The following NEBL variants were observed in gnomAD, a reference collection of about 807,000 sequenced individuals.
NEBL encodes the protein LIM and SH3 protein 2.
A neutral mutation model predicts 140.2 loss-of-function variants in NEBL; 122 were observed. The ratio of observed to expected loss-of-function variants is 0.87; its 90% CI spans 0.75 to 1.01. The LOEUF is 1.01. Ranked by LOEUF, NEBL falls within the 50% of genes least tolerant of loss-of-function variation. The probability of loss-of-function intolerance (pLI) is 0.00; values close to 1 mark genes in which losing one functional copy is unlikely to be tolerated. For missense variants in NEBL, 1,365 were observed against 1,231.3 expected (o/e 1.11, Z -1.62); for synonymous variants, 436 against 398.9 (o/e 1.09, Z -1.11).
chr10:21,249,999 G>A (rs1842566873), intron 2 of NEBL, among the ~76,000 whole-genome samples: 1 of 152,154 alleles, frequency 6.6e-6, no homozygotes, highest in South Asian at 2.1e-4. Context: ...TAGAGGCAGA[G>A]GTTGCAATGA....
At chr10:20,797,358 T>C (rs994907085) in intron 26 of NEBL, among the ~76,000 whole-genome samples, 1 of 152,206 alleles carries the variant, frequency 6.6e-6, no homozygotes, top group African/African-American at 2.4e-5. Context: ...TAATGTATTC[T>C]AATACTGACC....
chr10:20,852,095 G>A (rs2131069400), intron 10 of NEBL, among the ~76,000 whole-genome samples: 1 of 151,448 alleles, frequency 6.6e-6, no homozygotes, highest in African/African-American at 2.4e-5. Flanking sequence ...ATTTCATATT[G>A]GAAAAAAATA....
intron 2 of NEBL, among the ~76,000 whole-genome samples, chr10:21,125,180 C>A (rs1838762832): frequency 6.6e-6 from 1 of 151,992 alleles, no homozygotes; most frequent in Non-Finnish European, 1.5e-5. Context: ...TCCAGAGTCT[C>A]TAGAAGCTCA....
At chr10:21,245,245 A>G (rs555155520) in intron 3 of NEBL, among the ~76,000 whole-genome samples, 1 of 152,354 alleles carries the variant, frequency 6.6e-6, no homozygotes, top group Non-Finnish European at 1.5e-5. Context: ...AGAATACTCA[A>G]CCTAAGAGAG....
intron 2 of NEBL, chr10:21,146,557 C>G: frequency 7.0e-7 from 1 of 1,431,010 alleles, no homozygotes; most frequent in Non-Finnish European, 9.6e-7. Context: ...TGTGTTTGGG[C>G]ATTGTTACCT....
At position 20,912,291 on chromosome 10, in the gene NEBL, A is replaced by G. The variant is rs1848361241; in HGVS notation, c.357+49381T>C. On this transcript the variant is annotated intron_variant, in intron 4 of 6. Coordinates refer to the NEBL transcript ENST00000417816. ...AGTCAATGGCATTGCTATGTTTGAA[A>G]TAAAAATGCATTAGCTGGGTGTGGT... Among the ~76,000 whole-genome samples the G allele has an allele frequency of 2.0e-5, 3 of 152,218 alleles. No homozygotes were observed. The South Asian group carries it at 6.2e-4, about 31-fold the overall frequency.
intron 3 of NEBL, among the ~76,000 whole-genome samples, chr10:20,987,270 T>A (rs1389320814): frequency 2.0e-5 from 3 of 152,086 alleles, no homozygotes; most frequent in Non-Finnish European, 4.4e-5. Context: ...GGACAATGTT[T>A]CCCTTGAAGC....
At chr10:21,021,591 CTG>C (rs774444283) in intron 2 of NEBL, among the ~76,000 whole-genome samples, 21 of 152,156 alleles carry the variant, frequency 1.4e-4, no homozygotes, top group Non-Finnish European at 2.2e-4. Flanking sequence ...TTTTTATAAA[CTG>C]TGTTTATTTT....
At chr10:21,101,267 T>C (rs1837464796) in intron 2 of NEBL, among the ~76,000 whole-genome samples, 1 of 152,248 alleles carries the variant, frequency 6.6e-6, no homozygotes, top group Admixed American at 6.5e-5. Context: ...TCCTTCCCTG[T>C]GGCTAAGGCT....
At chr10:20,887,520 G>C (rs1846638716) in intron 4 of NEBL, among the ~76,000 whole-genome samples, 1 of 143,158 alleles carries the variant, frequency 7.0e-6, no homozygotes, top group Non-Finnish European at 1.5e-5. Context: ...CCAGGCTCAA[G>C]CAATCCTCCC....
intron 2 of NEBL, among the ~76,000 whole-genome samples, chr10:21,126,974 CAAAAAAAAAAAA>C (rs55883304): frequency 1.6e-5 from 1 of 64,184 alleles, no homozygotes; most frequent in Non-Finnish European, 3.4e-5. Flanking sequence ...GACCCTGTAT[CAAAAAAAAAAAA>C]AAAAAAAAAA....
At chr10:20,911,601 T>A (rs1246914300) in intron 4 of NEBL, among the ~76,000 whole-genome samples, 1 of 152,184 alleles carries the variant, frequency 6.6e-6, no homozygotes, top group Non-Finnish European at 1.5e-5. Flanking sequence ...ATAGTCTAGT[T>A]TTAAAACTAG....
At chr10:21,266,638 C>T (rs1225279413) in intron 1 of NEBL, among the ~76,000 whole-genome samples, 7 of 152,206 alleles carry the variant, frequency 4.6e-5, no homozygotes, top group Admixed American at 1.3e-4. Flanking sequence ...TGGATCCACA[C>T]GGTGCTCCCT....
In NEBL at chr10:21,034,056, A is replaced by G. The variant is rs962251388; in HGVS notation, c.165-13855T>C. Among the ~76,000 whole-genome samples the G allele has an allele frequency of 4.0e-5, 6 of 151,112 alleles. No homozygotes were observed. The South Asian group carries it at 1.1e-3, about 26-fold the overall frequency. ...ATGGCACACACCTGTAGTCTCAGCT[A>G]CTAGGGGGGCTGAGGTGGAAGGATT... is the stretch of plus-strand genomic sequence containing the variant. On this transcript the variant is annotated intron_variant, in intron 2 of 6. Transcript: ENST00000417816.
chr10:21,265,437 G>A (rs571726439), intron 1 of NEBL, among the ~76,000 whole-genome samples: 12 of 152,246 alleles, frequency 7.9e-5, no homozygotes, highest in Admixed American at 4.6e-4. Flanking sequence ...ATCTCACTGC[G>A]TATGGTGAGC....
At chr10:21,149,270 C>T (rs767044983) in intron 2 of NEBL, among the ~76,000 whole-genome samples, 5 of 152,052 alleles carry the variant, frequency 3.3e-5, no homozygotes, top group African/African-American at 1.2e-4. Flanking sequence ...ACCTCGTCGT[C>T]GGTATCCTTT....
In NEBL at chr10:21,067,979, G is replaced by GA. The variant is rs35412364; in HGVS notation, c.165-47779dup. On this transcript the variant is annotated intron_variant, in intron 2 of 6. Coordinates refer to the NEBL transcript ENST00000417816. The stretch of plus-strand genomic sequence containing the variant: ...GGTGACAACAAGATGCCGTCTCAAA[G>GA]AAAAAAAAATGTAATATACTTCCCT... Among the ~76,000 whole-genome samples, 748 of 150,780 alleles carry GA rather than the reference G, an allele frequency of 5.0e-3. 7 individuals carry two copies. Among genetic ancestry groups the GA allele is most frequent in the African/African-American group, 0.017 (712 of 40,928 alleles).
chr10:20,889,576 C>T (rs1381164171), intron 3 of NEBL, among the ~76,000 whole-genome samples: 2 of 151,888 alleles, frequency 1.3e-5, no homozygotes, highest in Non-Finnish European at 2.9e-5. Context: ...TAAAAAGATG[C>T]CTTTTCAAGA....
intron 3 of NEBL, among the ~76,000 whole-genome samples, chr10:21,242,397 G>T (rs184941716): frequency 1.3e-5 from 2 of 152,188 alleles, no homozygotes; most frequent in African/African-American, 4.8e-5. Context: ...ATGTTCTCAC[G>T]TATAACGGGA....
Sources: allele counts gnomAD v4.1 joint callset (sites outside exome capture counted in the v4.1 genomes callset), GRCh38; gene constraint gnomAD v4.1.1; transcripts MANE v1.5; gene names NCBI Gene and HGNC (gene_info 2026-07-23, HGNC 2026-07-21).